The following BPIFB4 variants were observed in gnomAD, a reference collection of about 807,000 sequenced individuals.
BPIFB4 encodes BPI fold containing family B member 4.
Under a neutral mutation model 69.2 loss-of-function variants are expected in BPIFB4, and 62 were observed. The observed-to-expected ratio is 0.90, with a 90% CI of 0.73 to 1.11. BPIFB4 has a LOEUF of 1.11. Ranked by LOEUF, BPIFB4 falls within the 50% of genes least tolerant of loss-of-function variation. BPIFB4 has a pLI of 0.00. For missense variants in BPIFB4, 789 were observed against 792.0 expected, an observed-to-expected ratio of 1.00 and a Z score of 0.04; for synonymous variants, 330 against 332.7, an observed-to-expected ratio of 0.99 and a Z score of 0.09.
chr20:33,106,741 T>C (rs1185488316), intron 16 of BPIFB4, among the ~76,000 whole-genome samples: 1 of 151,882 alleles, frequency 6.6e-6, no homozygotes, highest in Non-Finnish European at 1.5e-5. Flanking sequence ...AGTTCGGAGG[T>C]GGGATGGGGG....
intron 11 of BPIFB4, among the ~76,000 whole-genome samples, chr20:33,094,891 G>A (rs1981713650): frequency 6.6e-6 from 1 of 152,142 alleles, no homozygotes; most frequent in Admixed American, 6.6e-5. Flanking sequence ...AGTCAGCCCA[G>A]GTCACTTAAC....
rs538692663 is a variant in BPIFB4 at position 33,088,785 on chromosome 20, T to G, written c.927-181T>G. On this transcript the variant is annotated intron_variant, in intron 7 of 17. Transcript: ENST00000375483. ...TTCATGAAAAGCCAAACAATTTGCC[T>G]GGGTGGCCTGTCTAGTCAGTCCAAG... Among the ~76,000 whole-genome samples the G allele has an allele frequency of 1.1e-3, 165 of 152,348 alleles. 1 individual carries two copies. Among genetic ancestry groups the G allele is most frequent in the Non-Finnish European group, 9.6e-4 (65 of 68,030 alleles).
intron 7 of BPIFB4, 104 bp from the exon 8 acceptor site, chr20:33,088,862 G>A: frequency 6.4e-6 from 10 of 1,574,124 alleles, no homozygotes; most frequent in South Asian, 2.3e-5. Flanking sequence ...GCACTCAGAG[G>A]TTCTCACTGT....
chr20:33,084,707 G>A (rs1012089890), intron 5 of BPIFB4, among the ~76,000 whole-genome samples, 185 bp from the exon 6 acceptor site: 6 of 152,214 alleles, frequency 3.9e-5, no homozygotes, highest in Admixed American at 3.3e-4. Context: ...GGGATTACAG[G>A]TCATGGCATT....
intron 8 of BPIFB4, among the ~76,000 whole-genome samples, chr20:33,089,261 T>C (rs1281201490): frequency 6.6e-6 from 1 of 152,208 alleles, no homozygotes; most frequent in East Asian, 1.9e-4. Context: ...CGGGTTTGAA[T>C]CCCGGCTTGG....
chr20:33,108,834 G>C (rs1347808470), intron 17 of BPIFB4, among the ~76,000 whole-genome samples: 1 of 152,164 alleles, frequency 6.6e-6, no homozygotes, highest in Admixed American at 6.5e-5. Context: ...TGCATAAACT[G>C]TTTCTTGATT....
chr20:33,082,827 T>C, intron 3 of BPIFB4, 111 bp from the exon 4 acceptor site: 1 of 1,065,764 alleles, frequency 9.4e-7, no homozygotes, highest in Non-Finnish European at 1.4e-6. Context: ...TGCTCTTCGC[T>C]GGTGGGAAAA....
At chr20:33,079,738 C>G (rs968801831) in intron 1 of BPIFB4, 35 bp downstream of exon 1, 2 of 152,244 alleles carry the variant, frequency 1.3e-5, no homozygotes, top group African/African-American at 4.8e-5. Flanking sequence ...CAGTGTCCGG[C>G]AGGGGAGGCA....
intron 1 of BPIFB4, among the ~76,000 whole-genome samples, chr20:33,080,095 GA>G (rs1306881643): frequency 1.3e-5 from 2 of 152,144 alleles, no homozygotes; most frequent in East Asian, 3.8e-4. Context: ...GAGGAAGCCA[GA>G]AAAAAATTAT....
chr20:33,093,200 C>T (rs531015454), intron 11 of BPIFB4, among the ~76,000 whole-genome samples: 4 of 152,140 alleles, frequency 2.6e-5, no homozygotes, highest in Non-Finnish European at 4.4e-5. Flanking sequence ...TCTACCTATG[C>T]GTCCATTCAC....
intron 10 of BPIFB4, among the ~76,000 whole-genome samples, chr20:33,091,858 G>T (rs927492562): frequency 6.6e-6 from 1 of 152,336 alleles, no homozygotes; most frequent in Non-Finnish European, 1.5e-5. Flanking sequence ...GGCTATCAGA[G>T]CCTAAAGCAG....
chr20:33,089,080 T>C, intron 8 of BPIFB4, 51 bp downstream of exon 8: 1 of 1,612,318 alleles, frequency 6.2e-7, no homozygotes, highest in Non-Finnish European at 8.5e-7. Context: ...TCCCCCAGAC[T>C]GAGGGGCCAT....
rs1191805436 is a variant in BPIFB4 at position 33,103,029 on chromosome 20, T to TA, written c.1680+16dup. 6.2e-7 allele frequency: 1 copy of TA among 1,612,886 alleles called. No individual in the cohort carries two copies. Among genetic ancestry groups the TA allele is most frequent in the South Asian group, 1.1e-5 (1 of 91,056 alleles). ...GCAACTTTGATGTAAGTACCATGTT[T>TA]AGTTCCCAGGGCAAGATCTTCTGGG... On this transcript the variant is annotated intron_variant, in intron 15 of 17. Coordinates refer to ENST00000375483, the MANE Select transcript of BPIFB4 (RefSeq NM_182519.3).
At chr20:33,104,732 C>A in intron 15 of BPIFB4, 78 bp from the exon 16 acceptor site, 1 of 1,396,260 alleles carries the variant, frequency 7.2e-7, no homozygotes, top group Non-Finnish European at 1.0e-6. Context: ...CACCTTGAGC[C>A]AGGGGAGCAG....
chr20:33,079,768 A>AGGCTG (rs1252669373), intron 1 of BPIFB4, 65 bp downstream of exon 1: 1 of 152,242 alleles, frequency 6.6e-6, no homozygotes, highest in African/African-American at 2.4e-5. Flanking sequence ...GAAGGTAATA[A>AGGCTG]GGAGAGAGAG....
chr20:33,083,378 A>T lies in BPIFB4; in HGVS notation c.181A>T (p.Ile61Phe), dbSNP rs775122866. The change falls in exon 5 of 18, where the codon ATT becomes TTT. Residue 61 changes from isoleucine (I) to phenylalanine (F), a missense_variant. This residue lies in a region of BPIFB4 where 611 missense variants were observed against 575.4 expected (regional missense o/e 1.06). Transcript: ENST00000375483. ...TGAATTCCCCCGAGGTGTTGGTGAT[A>T]TTCCCTACAATGACTTCCATGTCCG... ...LREVPLGVGD[I>F]PYNDFHVRGP... 30 of 1,612,788 alleles carry T rather than the reference A, an allele frequency of 1.9e-5. No homozygotes were observed. The South Asian group carries it at 3.2e-4, about 17-fold the overall frequency.
intron 11 of BPIFB4, 44 bp downstream of exon 11, chr20:33,092,702 A>T: frequency 1.3e-6 from 2 of 1,526,888 alleles, no homozygotes; most frequent in Non-Finnish European, 1.8e-6. Context: ...GGCAGCAGAC[A>T]GCTGCCAGTG....
At chr20:33,097,852 G>A (rs1981799197) in intron 13 of BPIFB4, 65 bp downstream of exon 13, 1 of 1,474,326 alleles carries the variant, frequency 6.8e-7, no homozygotes, top group African/African-American at 1.4e-5. Context: ...TGGTCTCCTG[G>A]AGCCCAAAGA....
intron 9 of BPIFB4, 32 bp from the exon 10 acceptor site, chr20:33,090,676 G>T: frequency 6.2e-7 from 1 of 1,611,906 alleles, no homozygotes. Context: ...ATGGTGAGGG[G>T]ACCTCCCTGT....
Sources: gnomAD v4.1 joint callset for allele counts (sites outside exome capture counted in the v4.1 genomes callset) on GRCh38, gnomAD v4.1.1 for gene constraint, gnomAD v4.1.1 regional missense constraint, MANE v1.5 for transcripts, NCBI Gene and HGNC (gene_info 2026-07-23, HGNC 2026-07-21) for gene names.